RNF123: variants seen among roughly 807,000 people sequenced by gnomAD.
RNF123 encodes ring finger protein 123, also known as E3 ubiquitin-protein ligase RNF123.
In RNF123, 86 loss-of-function variants were observed where a neutral mutation model predicts 168.5. That is an observed-to-expected ratio of 0.51 (90% CI 0.43 to 0.61). The LOEUF (loss-of-function observed/expected upper bound fraction) is 0.61, where lower values mean the gene tolerates loss of function less well. RNF123 is among the 20% of genes least tolerant of loss of function. RNF123 has a pLI of 0.00. For missense variants in RNF123, 1,419 were observed against 1,729.7 expected (o/e 0.82, Z 3.19); for synonymous variants, 666 against 689.1 (o/e 0.97, Z 0.52).
At chr3:49,702,059 C>T (rs1379693673) in intron 17 of RNF123, 24 bp from the exon 18 acceptor site, 2 of 1,611,298 alleles carry the variant, frequency 1.2e-6, no homozygotes, top group Non-Finnish European at 1.7e-6. Context: ...AGCCTGAGGG[C>T]CATGTTCCTC....
intron 26 of RNF123, among the ~76,000 whole-genome samples, chr3:49,711,298 C>A (rs1376711953): frequency 1.3e-5 from 2 of 152,154 alleles, no homozygotes; most frequent in African/African-American, 4.8e-5. Flanking sequence ...GCTATATGTG[C>A]CCAAAAGTTA....
chr3:49,719,381 G>A (rs973420572), intron 35 of RNF123: 8 of 1,613,486 alleles, frequency 5.0e-6, no homozygotes, highest in Admixed American at 1.7e-5. Context: ...TGGAGCGCAC[G>A]GGGCGGGAAA....
rs1023671006 is a variant in RNF123 at position 49,720,638 on chromosome 3, T to C, written c.3628T>C (p.Phe1210Leu). ...TALPAPDRKR[F>L]SLQSYADYIS... The stretch of plus-strand genomic sequence containing the variant: ...TCTGCCAGCCCCTGACCGGAAGCGC[T>C]TCTCCCTGCAGAGCTGTGAGTGGGC... The change falls in exon 36 of 39, where the codon TTC becomes CTC. Residue 1210 changes from phenylalanine (F) to leucine (L), a missense_variant. This residue lies in a region of RNF123 where 164 missense variants were observed against 152.3 expected (regional missense o/e 1.08). Transcript: ENST00000327697. 6.2e-7 allele frequency: 1 copy of C among 1,601,070 alleles called. No individual in the cohort carries two copies. The highest frequency in any genetic ancestry group is 8.5e-7 in the Non-Finnish European group (1 of 1,171,058).
intron 35 of RNF123, chr3:49,718,476 C>G: frequency 1.2e-6 from 2 of 1,612,974 alleles, no homozygotes; most frequent in Non-Finnish European, 1.7e-6. Context: ...CGGCCAGCAC[C>G]GCGATGCTGC....
chr3:49,721,104 A>C lies in RNF123; in HGVS notation c.3823A>C (p.Lys1275Gln). ...CCAGCCCTGTGGCCACAAGTCCTGC[A>C]AGTAAGTGGGCCCCACAGCTTGGTG... is the stretch of plus-strand genomic sequence containing the variant. ...VFQPCGHKSC[K>Q]ACINQHLMNN... Residue 1275 changes from lysine (K) to glutamine (Q), a missense_variant and splice_region_variant, in exon 38 of 39, where the codon AAA (lysine) becomes CAA (glutamine). Lys to Gln is a moderately conservative substitution (Grantham distance 53). Around this residue, in one of 5 missense-constraint regions of RNF123, gnomAD observed 50 missense variants for 77.2 expected, o/e 0.65. Transcript: ENST00000327697. 6.2e-7 allele frequency: 1 copy of C among 1,613,926 alleles called. No individual in the cohort carries two copies. The highest frequency in any genetic ancestry group is 8.5e-7 in the Non-Finnish European group (1 of 1,179,874).
At position 49,715,702 on chromosome 3, in the gene RNF123, C is replaced by T. The variant is rs1248843632; in HGVS notation, c.3138C>T (p.Gly1046=). Residue 1046 remains glycine, a synonymous_variant, in exon 32 of 39, where the codon GGC becomes GGT. Transcript: ENST00000327697. ...QLNWAFSEFI[G]MIQEIQQAAE... ...ACTGGGCCTTCTCTGAATTCATTGG[C>T]ATGATCCAAGAGGTGGGCTGTGGTG... 6.2e-7 allele frequency: 1 copy of T among 1,614,138 alleles called. No homozygotes were observed. Among genetic ancestry groups the T allele is most frequent in the African/African-American group, 1.3e-5 (1 of 74,954 alleles).
At chr3:49,719,548 A>G in intron 35 of RNF123, 1 of 1,224,622 alleles carries the variant, frequency 8.2e-7, no homozygotes. Flanking sequence ...CTAGTGCGAC[A>G]TGGGTGGCAC....
chr3:49,700,548 C>T lies in RNF123; in HGVS notation c.1187C>T (p.Pro396Leu). 1 of 1,614,208 alleles carries T rather than the reference C, an allele frequency of 6.2e-7. No homozygotes were observed. Among genetic ancestry groups the T allele is most frequent in the Non-Finnish European group, 8.5e-7 (1 of 1,180,034 alleles). The change falls in exon 14 of 39, where the codon CCA (proline) becomes CTA (leucine). Residue 396 changes from proline to leucine, a missense_variant. Transcript: ENST00000327697. ...CTGTACCGATTCTCACCCATTGTCCCAGACCTGGGCCTACAGGTGGGAGCC... is the reference window on the plus strand; with the variant it reads ...CTGTACCGATTCTCACCCATTGTCCTAGACCTGGGCCTACAGGTGGGAGCC... ...LRLYRFSPIV[P>L]DLGLQIHYLR...
At chr3:49,720,692 C>T in intron 36 of RNF123, 39 bp downstream of exon 36, 2 of 1,596,340 alleles carry the variant, frequency 1.3e-6, no homozygotes, top group Non-Finnish European at 1.7e-6. Flanking sequence ...AAATCTGGGG[C>T]TGGGTCGGGT....
intron 24 of RNF123, 36 bp downstream of exon 24, chr3:49,705,715 T>A: frequency 6.2e-7 from 1 of 1,612,722 alleles, no homozygotes; most frequent in Non-Finnish European, 8.5e-7. Context: ...GGGTGGCGGG[T>A]GTTGTGCGTG....
chr3:49,696,659 T>TC (rs1469434751), intron 3 of RNF123, among the ~76,000 whole-genome samples: 1 of 148,638 alleles, frequency 6.7e-6, no homozygotes, highest in African/African-American at 2.5e-5. Context: ...TTTTTTTTTT[T>TC]TTGAGACAGA....
chr3:49,699,379 G>A lies in RNF123; in HGVS notation c.765-89G>A, dbSNP rs2054329964. The A allele has an allele frequency of 3.3e-6, 4 of 1,227,306 alleles. No homozygotes were observed. Among genetic ancestry groups the A allele is most frequent in the Non-Finnish European group, 4.6e-6 (4 of 863,654 alleles). 76.0% of individuals were successfully genotyped at this position (1,227,306 alleles called of 1,614,324 possible). A position where few individuals can be genotyped will look rare whatever the true frequency, so the allele number is the denominator to read the frequency against. ...TGATGCAAACCAGCCCTGCCCTAGA[G>A]CCCAGGCCCCGGGGTGGGGGGTGGG... On this transcript the variant is annotated intron_variant, in intron 10 of 38. Transcript: ENST00000327697. This position sits in a 1 kb window ranked among gnomAD's most constrained non-coding sequence, Gnocchi z 4.8.
At chr3:49,707,399 T>C (rs2054540301) in intron 26 of RNF123, among the ~76,000 whole-genome samples, 1 of 152,150 alleles carries the variant, frequency 6.6e-6, no homozygotes, top group African/African-American at 2.4e-5. Flanking sequence ...CACACACACA[T>C]TAATAAGTCA....
At position 49,702,342 on chromosome 3, in the gene RNF123, T is replaced by G; in HGVS notation, c.1566T>G (p.Ala522=). ...TTTTCCCTCTCTCAAAGGGTGAAGC[T>G]TCTAGGTATATCTTCCTGACCAAGT... ...LDNKDDNGGE[A]SRYIFLTKFR... is the part of the protein sequence containing the mutation. The change falls in exon 19 of 39, where the codon GCT becomes GCG. Residue 522 remains alanine (A), a synonymous_variant. Coordinates refer to ENST00000327697, the MANE Select transcript of RNF123 (RefSeq NM_022064.5). The G allele has an allele frequency of 6.2e-7, 1 of 1,614,196 alleles. No homozygotes were observed. The highest frequency in any genetic ancestry group is 1.3e-5 in the African/African-American group (1 of 75,054).
At chr3:49,720,096 A>G (rs2080363225) in intron 35 of RNF123, 1 of 159,346 alleles carries the variant, frequency 6.3e-6, no homozygotes, top group Non-Finnish European at 1.4e-5. Context: ...CAGGTGGATC[A>G]CCTGAGGTCA....
chr3:49,711,674 T>A (rs916440041), intron 26 of RNF123, among the ~76,000 whole-genome samples: 2 of 151,972 alleles, frequency 1.3e-5, no homozygotes, highest in African/African-American at 4.8e-5. Flanking sequence ...GACACACGGG[T>A]GCTGTGGGTC....
In RNF123 at chr3:49,703,423, G is replaced by A. The variant is rs1488302499; in HGVS notation, c.1751-4G>A. 4 of 1,613,400 alleles carry A rather than the reference G, an allele frequency of 2.5e-6. No individual in the cohort carries two copies. The highest frequency in any genetic ancestry group is 3.4e-6 in the Non-Finnish European group (4 of 1,179,528). ...ACTGGCCTAGCCTCCTCAATTCCTCGCAGAGGCCTACATCCCGCCCCAGGT... is the reference window on the plus strand; with the variant it reads ...ACTGGCCTAGCCTCCTCAATTCCTCACAGAGGCCTACATCCCGCCCCAGGT... On this transcript the variant is annotated splice_polypyrimidine_tract_variant and splice_region_variant and intron_variant, in intron 20 of 38. Coordinates refer to ENST00000327697, the MANE Select transcript of RNF123 (RefSeq NM_022064.5).
chr3:49,702,501 G>A, intron 19 of RNF123, 96 bp downstream of exon 19: 1 of 1,601,930 alleles, frequency 6.2e-7, no homozygotes. Flanking sequence ...CCTCATCCCT[G>A]CCTAGCCCCA....
Position 49,716,455 on chromosome 3 carries a change from C to T in RNF123, c.3478C>T (p.Leu1160=), listed in dbSNP as rs2080246960. ...AGTGACGGGCATCCTGGTGCAGCTC[C>T]TGGTGCGTGGCCCAGCCTCAGAGTG... ...VAVTGILVQL[L]VRGPASEREQ... is the part of the protein sequence containing the mutation. Residue 1160 remains leucine, a synonymous_variant, in exon 35 of 39, where the codon CTG becomes TTG. Coordinates refer to ENST00000327697, the MANE Select transcript of RNF123 (RefSeq NM_022064.5). 1.2e-6 allele frequency: 2 copies of T among 1,613,952 alleles called. No homozygotes were observed. Among genetic ancestry groups the T allele is most frequent in the African/African-American group, 2.7e-5 (2 of 74,918 alleles).
Sources: allele counts gnomAD v4.1 joint callset (sites outside exome capture counted in the v4.1 genomes callset), GRCh38; gene constraint gnomAD v4.1.1; regional missense constraint gnomAD v4.1.1; non-coding constraint Gnocchi (gnomAD v3.1); transcripts MANE v1.5; gene names NCBI Gene and HGNC (gene_info 2026-07-23, HGNC 2026-07-21).